The following MYT1L variants were observed in gnomAD, a reference collection of about 807,000 sequenced individuals.
MYT1L encodes myelin transcription factor 1-like protein.
In MYT1L, 12 loss-of-function variants were observed where a neutral mutation model predicts 126.7. The observed-to-expected ratio is 0.09, with a 90% CI of 0.06 to 0.15. MYT1L has a LOEUF of 0.15. MYT1L is among the 10% of genes least tolerant of loss of function. The pLI is 1.00. For missense variants in MYT1L, 979 were observed against 1,585.2 expected, an observed-to-expected ratio of 0.62 and a Z score of 6.49; for synonymous variants, 541 against 604.2, an observed-to-expected ratio of 0.90 and a Z score of 1.53.
chr2:1,857,311 T>C, intron 18 of MYT1L, among the ~76,000 whole-genome samples: 1 of 152,236 alleles, frequency 6.6e-6, no homozygotes, highest in East Asian at 1.9e-4. Context: ...TTAAAAGTCT[T>C]CTAAATGAAG....
At chr2:2,076,376 T>C (rs1463550917) in intron 3 of MYT1L, among the ~76,000 whole-genome samples, 1 of 152,206 alleles carries the variant, frequency 6.6e-6, no homozygotes, top group Non-Finnish European at 1.5e-5. Flanking sequence ...CCTTCTCACA[T>C]AGATCCCCTT....
intron 2 of MYT1L, among the ~76,000 whole-genome samples, chr2:2,180,074 T>G (rs1185390020): frequency 1.3e-5 from 2 of 152,198 alleles, no homozygotes; most frequent in African/African-American, 4.8e-5. Context: ...CTAATGCCAC[T>G]GTTGTTATCA....
chr2:2,115,847 C>G (rs144082816), intron 3 of MYT1L, among the ~76,000 whole-genome samples: 4,982 of 148,626 alleles, frequency 0.034, 123 homozygotes, highest in Non-Finnish European at 0.043. Flanking sequence ...GACGAGCCTG[C>G]TGTGCAGTTG....
chr2:2,084,302 A>T (rs2076145464), intron 3 of MYT1L, among the ~76,000 whole-genome samples: 1 of 152,258 alleles, frequency 6.6e-6, no homozygotes, highest in Non-Finnish European at 1.5e-5. Context: ...GGGAGCAGGC[A>T]GCTCTTCCAG....
chr2:1,934,808 C>T (rs1266652239), intron 9 of MYT1L, among the ~76,000 whole-genome samples: 3 of 151,332 alleles, frequency 2.0e-5, no homozygotes, highest in African/African-American at 2.4e-5. Context: ...GTTGGATGAC[C>T]GTGAAGACTC....
chr2:2,210,398 T>C (rs926311008), intron 2 of MYT1L, among the ~76,000 whole-genome samples: 2 of 152,206 alleles, frequency 1.3e-5, no homozygotes, highest in African/African-American at 4.8e-5. Context: ...TTTAAGTTTT[T>C]AATTCACTTT....
intron 2 of MYT1L, among the ~76,000 whole-genome samples, chr2:2,227,064 G>A (rs574697228): frequency 6.6e-6 from 1 of 151,822 alleles, no homozygotes; most frequent in East Asian, 2.0e-4. Flanking sequence ...TCCTTGAAAT[G>A]TGTGCTTCTG....
chr2:2,019,803 TA>T (rs1192697751), intron 4 of MYT1L, among the ~76,000 whole-genome samples: 3 of 148,450 alleles, frequency 2.0e-5, no homozygotes, highest in African/African-American at 5.0e-5. Flanking sequence ...AATATTCTTC[TA>T]TTTTTTTTTC....
chr2:1,827,777 C>G (rs1034432767), intron 21 of MYT1L: 2 of 152,344 alleles, frequency 1.3e-5, no homozygotes, highest in South Asian at 2.1e-4. Context: ...CTCCCCTCCA[C>G]ACAATTGGCA....
At chr2:2,024,705 G>T (rs2065352998) in intron 4 of MYT1L, among the ~76,000 whole-genome samples, 1 of 152,162 alleles carries the variant, frequency 6.6e-6, no homozygotes, top group South Asian at 2.1e-4. Context: ...TCCCCACGCA[G>T]GCACCCAGTG....
At chr2:1,967,198 T>G (rs1381542338) in intron 8 of MYT1L, among the ~76,000 whole-genome samples, 1 of 152,216 alleles carries the variant, frequency 6.6e-6, no homozygotes, top group East Asian at 1.9e-4. Context: ...TTGCCAATAA[T>G]ATCCTCTGGG....
At chr2:1,991,308 T>G (rs1018407803) in intron 5 of MYT1L, among the ~76,000 whole-genome samples, 1 of 151,994 alleles carries the variant, frequency 6.6e-6, no homozygotes, top group Non-Finnish European at 1.5e-5. Context: ...CGCTGTATCT[T>G]TTTCTTTTCT....
intron 3 of MYT1L, among the ~76,000 whole-genome samples, chr2:2,110,931 T>C (rs938489000): frequency 1.3e-5 from 2 of 152,134 alleles, no homozygotes; most frequent in African/African-American, 4.8e-5. Context: ...GTTGAGCTGG[T>C]CCTTCAAACT....
rs139315665 is a variant in MYT1L at position 1,790,312 on chromosome 2, G to A, written c.*1555C>T. On this transcript the variant is annotated 3_prime_UTR_variant, in exon 25 of 25. Coordinates refer to ENST00000647738, the MANE Select transcript of MYT1L (RefSeq NM_001303052.2). ...TCCTGCATAACATCAAGACATGGAA[G>A]GAAGAGATGCTACTAAATGGAACTC... 1.3e-5 allele frequency: 2 copies of A among 152,176 alleles called. No homozygotes were observed. Among genetic ancestry groups the A allele is most frequent in the East Asian group, 3.9e-4 (2 of 5,170 alleles). 9.4% of individuals were successfully genotyped at this position (152,176 alleles called of 1,614,324 possible). A position where few individuals can be genotyped will look rare whatever the true frequency, so the allele number is the denominator to read the frequency against.
intron 4 of MYT1L, among the ~76,000 whole-genome samples, chr2:2,034,377 G>A (rs1477236665): frequency 1.3e-5 from 1 of 75,874 alleles, no homozygotes; most frequent in Non-Finnish European, 2.6e-5. Context: ...GTGCAGAAGA[G>A]AGCTCCTAAC....
At chr2:1,928,458 C>G (rs1342243573) in intron 9 of MYT1L, among the ~76,000 whole-genome samples, 1 of 152,172 alleles carries the variant, frequency 6.6e-6, no homozygotes, top group Non-Finnish European at 1.5e-5. Flanking sequence ...ACCTGGAGTT[C>G]TGGGTGTAGC....
At chr2:2,263,424 CATAAATCA>C (rs2095040535) in intron 2 of MYT1L, among the ~76,000 whole-genome samples, 1 of 152,100 alleles carries the variant, frequency 6.6e-6, no homozygotes, top group Non-Finnish European at 1.5e-5. Flanking sequence ...AATTCCAATG[CATAAATCA>C]ATAAATGCCT....
intron 18 of MYT1L, among the ~76,000 whole-genome samples, chr2:1,863,975 G>C (rs933914687): frequency 3.3e-5 from 5 of 152,134 alleles, no homozygotes; most frequent in Admixed American, 1.3e-4. Flanking sequence ...AGGAGCTCAA[G>C]GACCGCTGGG....
At chr2:2,159,700 A>T (rs1053176098) in intron 3 of MYT1L, among the ~76,000 whole-genome samples, 2 of 152,076 alleles carry the variant, frequency 1.3e-5, no homozygotes, top group African/African-American at 4.8e-5. Context: ...CAGAAAGGCC[A>T]TTAGCAACTT....
Sources: gnomAD v4.1 joint callset for allele counts (sites outside exome capture counted in the v4.1 genomes callset) on GRCh38, gnomAD v4.1.1 for gene constraint, MANE v1.5 for transcripts, NCBI Gene and HGNC (gene_info 2026-07-23, HGNC 2026-07-21) for gene names.